PKNOX2: variants seen among roughly 807,000 people sequenced by gnomAD.
The protein encoded by PKNOX2 is PBX/knotted 1 homeobox 2, also known as homeobox protein PKNOX2.
In PKNOX2, 14 loss-of-function variants were observed where a neutral mutation model predicts 53.1. The observed-to-expected ratio is 0.26, with a 90% CI of 0.17 to 0.41. PKNOX2 has a LOEUF of 0.41. Among genes scored for constraint, PKNOX2 ranks in the 10% least tolerant of loss-of-function variants. The probability of loss-of-function intolerance (pLI) is 1.00; values close to 1 mark genes in which losing one functional copy is unlikely to be tolerated. For missense variants in PKNOX2, 496 were observed against 602.8 expected, an observed-to-expected ratio of 0.82 and a Z score of 1.85; for synonymous variants, 257 against 242.8, an observed-to-expected ratio of 1.06 and a Z score of -0.54.
At chr11:125,301,935 T>C (rs1332746867) in intron 2 of PKNOX2, among the ~76,000 whole-genome samples, 1 of 152,204 alleles carries the variant, frequency 6.6e-6, no homozygotes, top group African/African-American at 2.4e-5. Context: ...GCACCTACTG[T>C]GTGCAAAGTT....
intron 5 of PKNOX2, among the ~76,000 whole-genome samples, chr11:125,373,351 T>G (rs2136300313): frequency 6.6e-6 from 1 of 152,328 alleles, no homozygotes; most frequent in South Asian, 2.1e-4. Context: ...GGATGTGAAG[T>G]CTGGTACATT....
At chr11:125,347,615 G>T (rs1291556845) in intron 3 of PKNOX2, among the ~76,000 whole-genome samples, 1 of 152,060 alleles carries the variant, frequency 6.6e-6, no homozygotes, top group Admixed American at 6.5e-5. Context: ...TTTCCTAAAG[G>T]GGTGTGCTTT....
At chr11:125,316,843 A>G (rs978119996) in intron 2 of PKNOX2, among the ~76,000 whole-genome samples, 1 of 152,220 alleles carries the variant, frequency 6.6e-6, no homozygotes, top group Admixed American at 6.5e-5. Context: ...TTAAAATAAG[A>G]CAACAATGAA....
intron 1 of PKNOX2, among the ~76,000 whole-genome samples, chr11:125,170,466 A>T (rs2135188079): frequency 6.6e-6 from 1 of 152,250 alleles, no homozygotes; most frequent in Non-Finnish European, 1.5e-5. Context: ...TTTCTACCTG[A>T]ACTCCAGGTT....
At chr11:125,261,172 T>A (rs1005341089) in intron 2 of PKNOX2, among the ~76,000 whole-genome samples, 5 of 152,198 alleles carry the variant, frequency 3.3e-5, no homozygotes, top group African/African-American at 1.2e-4. Flanking sequence ...AGCCTATTTC[T>A]TGTCTTGGAA....
chr11:125,410,523 T>C, intron 8 of PKNOX2, 198 bp downstream of exon 8: 1 of 808,014 alleles, frequency 1.2e-6, no homozygotes, highest in Non-Finnish European at 1.9e-6. Flanking sequence ...CAAATTTGGG[T>C]CAAAATCTCA....
At chr11:125,313,056 AG>A (rs879399594) in intron 2 of PKNOX2, among the ~76,000 whole-genome samples, 2 of 152,186 alleles carry the variant, frequency 1.3e-5, no homozygotes, top group Admixed American at 1.3e-4. Flanking sequence ...CGAGGGCAAC[AG>A]GGAGCTTAGA....
At chr11:125,187,973 T>C (rs1956558194) in intron 1 of PKNOX2, 1 of 152,264 alleles carries the variant, frequency 6.6e-6, no homozygotes, top group Non-Finnish European at 1.5e-5. Context: ...GGAGCACTAA[T>C]CACACTGTTA....
intron 2 of PKNOX2, among the ~76,000 whole-genome samples, chr11:125,325,088 C>T (rs1052043538): frequency 3.9e-5 from 6 of 152,324 alleles, no homozygotes; most frequent in Non-Finnish European, 7.3e-5. Flanking sequence ...TTCAAGTGGG[C>T]TGGTCTTAGC....
At chr11:125,326,328 G>A (rs545253162) in intron 2 of PKNOX2, among the ~76,000 whole-genome samples, 40 of 152,304 alleles carry the variant, frequency 2.6e-4, no homozygotes, top group Middle Eastern at 3.4e-3. Flanking sequence ...AAAGGGAAGC[G>A]TGGCAGGTGG....
intron 2 of PKNOX2, among the ~76,000 whole-genome samples, chr11:125,271,184 C>T (rs975118960): frequency 1.3e-5 from 2 of 152,184 alleles, no homozygotes; most frequent in African/African-American, 4.8e-5. Context: ...TCTACCCAGA[C>T]TCTAGTATAT....
chr11:125,375,907 G>A (rs1168480396), intron 5 of PKNOX2, among the ~76,000 whole-genome samples: 1 of 152,178 alleles, frequency 6.6e-6, no homozygotes, highest in Non-Finnish European at 1.5e-5. Flanking sequence ...AGGTAAACTC[G>A]TGTCATGGGG....
chr11:125,321,572 G>C (rs1565496571), intron 2 of PKNOX2, among the ~76,000 whole-genome samples: 1 of 152,184 alleles, frequency 6.6e-6, no homozygotes, highest in East Asian at 1.9e-4. Flanking sequence ...TCTGCAGTTG[G>C]TTGAATCAGC....
intron 1 of PKNOX2, among the ~76,000 whole-genome samples, chr11:125,189,794 G>A (rs3016694): frequency 0.7 from 106,040 of 151,444 alleles, 37,257 homozygotes; most frequent in African/African-American, 0.74. Context: ...CTAGGCTTGA[G>A]ATCTTGCAGT....
rs553986851 is a variant in PKNOX2 at position 125,181,215 on chromosome 11, G to T, written c.-201+16439G>T. 2.0e-5 allele frequency among the ~76,000 whole-genome samples: 3 copies of T among 152,326 alleles called. No homozygotes were observed. In the East Asian group the frequency reaches 5.8e-4, roughly 29 times the overall value. On this transcript the variant is annotated intron_variant, in intron 1 of 12. Coordinates refer to ENST00000298282, the MANE Select transcript of PKNOX2 (RefSeq NM_001382323.2). ...TTAGCAACTTGTTCAAAGCCACACGGCTAGTAAGAGGAGAAGCCAGGATTT... is the reference window on the plus strand; with the variant it reads ...TTAGCAACTTGTTCAAAGCCACACGTCTAGTAAGAGGAGAAGCCAGGATTT...
In PKNOX2 at chr11:125,229,776, A is replaced by AG. The variant is rs1189186512; in HGVS notation, c.-200-5262dup. On this transcript the variant is annotated intron_variant, in intron 1 of 12. Coordinates refer to ENST00000298282, the MANE Select transcript of PKNOX2 (RefSeq NM_001382323.2). The stretch of plus-strand genomic sequence containing the variant: ...CACTACAGAGGATGTCCATGGGGCC[A>AG]GGGGGGGCTTGCTTGTGAGCAGGCC... Among the ~76,000 whole-genome samples, 4 of 152,174 alleles carry AG rather than the reference A, an allele frequency of 2.6e-5. No individual in the cohort carries two copies. The South Asian group carries it at 6.2e-4, about 24-fold the overall frequency.
intron 4 of PKNOX2, among the ~76,000 whole-genome samples, chr11:125,365,634 G>T (rs1463744795): frequency 6.6e-6 from 1 of 152,190 alleles, no homozygotes; most frequent in African/African-American, 2.4e-5. Flanking sequence ...ACTGATTAAA[G>T]TGCTGAATAA....
chr11:125,185,476 T>C (rs982146169), intron 1 of PKNOX2, among the ~76,000 whole-genome samples: 2 of 152,120 alleles, frequency 1.3e-5, no homozygotes, highest in Non-Finnish European at 2.9e-5. Flanking sequence ...AAACATTTTT[T>C]CACTTCAGAC....
At chr11:125,201,805 C>G (rs536765218) in intron 1 of PKNOX2, among the ~76,000 whole-genome samples, 6 of 152,308 alleles carry the variant, frequency 3.9e-5, no homozygotes, top group Admixed American at 1.3e-4. Flanking sequence ...GCACTCCTGG[C>G]TCCTTTTAGT....
Sources: gnomAD v4.1 joint callset for allele counts (sites outside exome capture counted in the v4.1 genomes callset) on GRCh38, gnomAD v4.1.1 for gene constraint, MANE v1.5 for transcripts, NCBI Gene and HGNC (gene_info 2026-07-23, HGNC 2026-07-21) for gene names.